Variants in CHODL observed in about 807,000 individuals in gnomAD.
CHODL encodes the protein chondrolectin, also known as transmembrane protein MT75.
CHODL carries 29 observed loss-of-function variants against 34.5 expected under a neutral mutation model. That is an observed-to-expected ratio of 0.84 (90% CI 0.63 to 1.15). CHODL has a LOEUF of 1.15. Among genes scored for constraint, CHODL ranks in the 50% most tolerant of loss-of-function variants. CHODL has a pLI of 0.00. For synonymous variants in CHODL, 125 were observed against 116.1 expected (o/e 1.08, Z -0.49); for missense variants, 332 against 332.5 (o/e 1.00, Z 0.01).
intron 2 of CHODL, among the ~76,000 whole-genome samples, chr21:18,053,414 G>A (rs2064540555): frequency 6.6e-6 from 1 of 151,888 alleles, no homozygotes; most frequent in African/African-American, 2.4e-5. Flanking sequence ...AATACCAGAG[G>A]TAGCCAAAAC....
At chr21:18,211,658 C>T (rs1271380314) in intron 2 of CHODL, among the ~76,000 whole-genome samples, 1 of 152,054 alleles carries the variant, frequency 6.6e-6, no homozygotes, top group East Asian at 1.9e-4. Flanking sequence ...TACTTTTTTT[C>T]CCCCACTTCT....
chr21:17,997,195 T>G (rs1296856199), intron 1 of CHODL, among the ~76,000 whole-genome samples: 1 of 152,232 alleles, frequency 6.6e-6, no homozygotes, highest in Non-Finnish European at 1.5e-5. Context: ...AATAATCTCT[T>G]GAATAACTGG....
chr21:18,056,852 G>T (rs2064588780), intron 2 of CHODL, among the ~76,000 whole-genome samples: 2 of 151,788 alleles, frequency 1.3e-5, no homozygotes, highest in Non-Finnish European at 1.5e-5. Context: ...TCCTCCCCAT[G>T]GTTTTTTCCT....
At chr21:18,062,554 T>C (rs2064680881) in intron 2 of CHODL, among the ~76,000 whole-genome samples, 1 of 151,938 alleles carries the variant, frequency 6.6e-6, no homozygotes, top group Non-Finnish European at 1.5e-5. Context: ...TCACTTGAGG[T>C]CAGGAGTTTG....
At chr21:17,986,569 G>A (rs965950778) in intron 1 of CHODL, among the ~76,000 whole-genome samples, 1 of 152,172 alleles carries the variant, frequency 6.6e-6, no homozygotes, top group South Asian at 2.1e-4. Flanking sequence ...TGTCATGGAC[G>A]GACATTTGGG....
intron 2 of CHODL, among the ~76,000 whole-genome samples, chr21:18,228,118 C>T (rs1475981155): frequency 2.0e-5 from 3 of 152,118 alleles, no homozygotes; most frequent in Non-Finnish European, 4.4e-5. Context: ...ATTGACTTCC[C>T]TGAAGTCCTC....
intron 2 of CHODL, among the ~76,000 whole-genome samples, chr21:18,037,447 C>A (rs2146448572): frequency 6.6e-6 from 1 of 151,854 alleles, no homozygotes; most frequent in Admixed American, 6.6e-5. Flanking sequence ...TAGCAGGAAA[C>A]AGGAAAAATT....
At chr21:18,040,674 C>T (rs974979595) in intron 2 of CHODL, among the ~76,000 whole-genome samples, 3 of 151,720 alleles carry the variant, frequency 2.0e-5, no homozygotes, top group African/African-American at 4.8e-5. Context: ...TTATTTTTTC[C>T]ATAAAAAGAC....
At chr21:18,086,171 T>C (rs1047672220) in intron 2 of CHODL, among the ~76,000 whole-genome samples, 1 of 151,756 alleles carries the variant, frequency 6.6e-6, no homozygotes, top group Admixed American at 6.6e-5. Flanking sequence ...TTTGTATTTC[T>C]TTCAATGAAT....
intron 2 of CHODL, among the ~76,000 whole-genome samples, chr21:18,224,254 A>G (rs1285141394): frequency 6.6e-6 from 1 of 152,176 alleles, no homozygotes; most frequent in Non-Finnish European, 1.5e-5. Flanking sequence ...TTTCTGAGCC[A>G]CTGATCGGCT....
intron 2 of CHODL, among the ~76,000 whole-genome samples, chr21:18,094,118 GAC>G (rs2065108980): frequency 6.6e-6 from 1 of 151,934 alleles, no homozygotes. Flanking sequence ...TGTAAGAAGA[GAC>G]AAAAAAGGTC....
chr21:17,931,084 T>A (rs2063268866), intron 1 of CHODL, among the ~76,000 whole-genome samples: 1 of 152,140 alleles, frequency 6.6e-6, no homozygotes, highest in Admixed American at 6.5e-5. Context: ...TGGAGCCCCC[T>A]CTCCAACTGC....
chr21:18,093,893 C>T (rs2065105565), intron 2 of CHODL, among the ~76,000 whole-genome samples: 1 of 152,046 alleles, frequency 6.6e-6, no homozygotes, highest in Admixed American at 6.6e-5. Flanking sequence ...TCAATAATAA[C>T]ATTGCATGTA....
At chr21:18,173,152 C>T (rs767491398) in intron 2 of CHODL, among the ~76,000 whole-genome samples, 18 of 152,182 alleles carry the variant, frequency 1.2e-4, no homozygotes, top group Admixed American at 7.2e-4. Context: ...GCAGCTTCAT[C>T]CAGGATAATA....
chr21:18,226,337 C>A (rs1466229075), intron 2 of CHODL, among the ~76,000 whole-genome samples: 1 of 152,106 alleles, frequency 6.6e-6, no homozygotes, highest in African/African-American at 2.4e-5. Flanking sequence ...GTCTTGCTTG[C>A]TCTCTCAGGC....
intron 1 of CHODL, among the ~76,000 whole-genome samples, chr21:17,948,206 C>A (rs1354973192): frequency 6.6e-6 from 1 of 151,932 alleles, no homozygotes; most frequent in Non-Finnish European, 1.5e-5. Flanking sequence ...GTACAGTTTA[C>A]ATTTTTAGGT....
At chr21:18,145,958 G>T (rs9978444) in intron 2 of CHODL, among the ~76,000 whole-genome samples, 25 of 151,626 alleles carry the variant, frequency 1.6e-4, no homozygotes, top group African/African-American at 5.6e-4. Flanking sequence ...TTTTGGTTTT[G>T]TTTTTTGTTG....
At chr21:17,921,878 G>A (rs1343283647) in intron 1 of CHODL, among the ~76,000 whole-genome samples, 1 of 152,194 alleles carries the variant, frequency 6.6e-6, no homozygotes, top group African/African-American at 2.4e-5. Context: ...CATACTGTGA[G>A]TAGTAATAAG....
At chr21:18,107,185 A>G (rs2065283897) in intron 2 of CHODL, among the ~76,000 whole-genome samples, 1 of 152,180 alleles carries the variant, frequency 6.6e-6, no homozygotes, top group Non-Finnish European at 1.5e-5. Context: ...CAGGGATCAG[A>G]TATGAAGTTT....
Sources: gnomAD v4.1 joint callset for allele counts (sites outside exome capture counted in the v4.1 genomes callset) on GRCh38, gnomAD v4.1.1 for gene constraint, MANE v1.5 for transcripts, NCBI Gene and HGNC (gene_info 2026-07-23, HGNC 2026-07-21) for gene names.